EIF2D: variants seen among roughly 807,000 people sequenced by gnomAD.
EIF2D encodes eukaryotic translation initiation factor 2D.
EIF2D carries 56 observed loss-of-function variants against 77.4 expected under a neutral mutation model. The ratio of observed to expected loss-of-function variants is 0.72; its 90% CI spans 0.58 to 0.90. EIF2D has a LOEUF of 0.90. Ranked by LOEUF, EIF2D falls within the 40% of genes least tolerant of loss-of-function variation. The pLI, the probability that EIF2D is intolerant of heterozygous loss-of-function variation, is 0.00. For synonymous variants in EIF2D, 230 were observed against 271.0 expected, an observed-to-expected ratio of 0.85 and a Z score of 1.49; for missense variants, 574 against 706.5, an observed-to-expected ratio of 0.81 and a Z score of 2.13.
rs1553407207 is a variant in EIF2D at position 206,584,688 on chromosome 1, G to A, written c.139-3526C>T. 2 of 1,614,196 alleles carry A rather than the reference G, an allele frequency of 1.2e-6. No homozygotes were observed. The highest frequency in any genetic ancestry group is 1.1e-5 in the South Asian group (1 of 91,090). On this transcript the variant is annotated intron_variant and NMD_transcript_variant, in intron 2 of 5. Transcript: ENST00000472709. The surrounding 1 kb of genome is among the most constrained non-coding windows in gnomAD (Gnocchi z 4.9). The stretch of plus-strand genomic sequence containing the variant: ...CGGATACACAAGGACGGACAAGGTA[G>A]GAGAAAGAGTGAACCCAACCAGACC...
chr1:206,588,023 A>C (rs2102266118), downstream of EIF2D: 1 of 152,846 alleles, frequency 6.5e-6, no homozygotes, highest in East Asian at 1.9e-4. Context: ...CAGAGAGGGG[A>C]GCCTCCAATT....
rs1263444934 is a variant in EIF2D, at chr1:206,600,182, T to C, written c.948+81A>G. 2.9e-6 allele frequency: 4 copies of C among 1,392,824 alleles called. No individual in the cohort carries two copies. The African/African-American group carries it at 5.7e-5, about 20-fold the overall frequency. 86.3% of individuals were successfully genotyped at this position (1,392,824 alleles called of 1,614,324 possible). On this transcript the variant is annotated intron_variant, in intron 8 of 14. Coordinates refer to ENST00000271764, the MANE Select transcript of EIF2D (RefSeq NM_006893.3). ...TAGACTGAGCCTGGTAGACAAGGCT[T>C]CCCCAGCATCCATCTGGCTTATGTC...
intron 7 of EIF2D, chr1:206,601,705 T>C (rs986778803): frequency 6.6e-6 from 1 of 152,300 alleles, no homozygotes; most frequent in East Asian, 1.9e-4. Context: ...CCCATGATTA[T>C]TAGAAATTAG....
Position 206,597,252 on chromosome 1 carries a change from G to A in EIF2D, c.1293-57C>T, listed in dbSNP as rs201324890. On this transcript the variant is annotated intron_variant, in intron 11 of 14. Transcript: ENST00000271764. ...CTAGACTTGTCCCTTCTGACCTGAA[G>A]GCTAATTCAGGATTCATCTCTCGTA... 1.2e-5 allele frequency: 15 copies of A among 1,296,668 alleles called. No individual in the cohort carries two copies. The East Asian group carries it at 3.5e-4, about 30-fold the overall frequency. 80.3% of individuals were successfully genotyped at this position (1,296,668 alleles called of 1,614,324 possible).
rs1553405745 is a variant in EIF2D, at chr1:206,579,109, G to A, written c.*254+1583C>T. Among the ~76,000 whole-genome samples the A allele has an allele frequency of 6.6e-6, 1 of 152,140 alleles. No individual in the cohort carries two copies. Among genetic ancestry groups the A allele is most frequent in the Non-Finnish European group, 1.5e-5 (1 of 68,022 alleles). On this transcript the variant is annotated intron_variant and NMD_transcript_variant, in intron 4 of 5. Transcript: ENST00000472709. The surrounding 1 kb of genome is among the most constrained non-coding windows in gnomAD (Gnocchi z 4.2). ...CCAATCACCTCCAGAGCTAAAAGAAGACATTGCCCTTTTCCACCGCATAGG... is the reference window on the plus strand; with the variant it reads ...CCAATCACCTCCAGAGCTAAAAGAAAACATTGCCCTTTTCCACCGCATAGG...
chr1:206,608,337 CA>C lies in EIF2D; in HGVS notation c.332-12del, dbSNP rs782018148. On this transcript the variant is annotated splice_polypyrimidine_tract_variant and intron_variant, in intron 3 of 14. Transcript: ENST00000271764. ...CAGGCAGCATCAAATCTGCAATGAA[CA>C]AAAAAAATCACAACCTGCATTCAGC... 22 of 1,601,712 alleles carry C rather than the reference CA, an allele frequency of 1.4e-5. No homozygotes were observed. Among genetic ancestry groups the C allele is most frequent in the Admixed American group, 3.4e-5 (2 of 58,432 alleles).
intron 13 of EIF2D, 90 bp from the exon 14 acceptor site, chr1:206,593,883 C>G (rs564266195): frequency 4.1e-5 from 49 of 1,188,294 alleles, no homozygotes; most frequent in Middle Eastern, 2.9e-4. Flanking sequence ...GCCTTCTGAG[C>G]CCCTGTGTTC....
intron 2 of EIF2D, chr1:206,583,707 G>C (rs1668985823): frequency 3.2e-6 from 1 of 311,836 alleles, no homozygotes; most frequent in Non-Finnish European, 6.2e-6. Context: ...CAGGGAGCCA[G>C]GACAATGGGA....
chr1:206,593,812 C>A lies in EIF2D; in HGVS notation c.1510-19G>T. The A allele has an allele frequency of 6.3e-7, 1 of 1,581,070 alleles. No homozygotes were observed. Among genetic ancestry groups the A allele is most frequent in the South Asian group, 1.1e-5 (1 of 88,288 alleles). ...CGGTCACCTGGGGGGACAGTGGGGA[C>A]AGAGACTGACGGTGGTGACTGCATT... On this transcript the variant is annotated intron_variant, in intron 13 of 14. Transcript: ENST00000271764.
intron 13 of EIF2D, 185 bp downstream of exon 13, chr1:206,595,533 T>A: frequency 1.9e-6 from 1 of 527,678 alleles, no homozygotes; most frequent in Non-Finnish European, 3.1e-6. Flanking sequence ...GGGCAGTGAG[T>A]GAGCGGGGTC....
At position 206,579,976 on chromosome 1, in the gene EIF2D, C is replaced by T. The variant is rs566430613; in HGVS notation, c.*254+716G>A. Among the ~76,000 whole-genome samples the T allele has an allele frequency of 6.6e-5, 10 of 152,302 alleles. No individual in the cohort carries two copies. The South Asian group carries it at 1.0e-3, about 16-fold the overall frequency. On this transcript the variant is annotated intron_variant and NMD_transcript_variant, in intron 4 of 5. Transcript: ENST00000472709. The surrounding 1 kb of genome is among the most constrained non-coding windows in gnomAD (Gnocchi z 4.2). ...GCTGGCATTCCATGGCTGTGACATT[C>T]GTAGTGTTGGCTACACACGGGGCTC...
Position 206,591,863 on chromosome 1 carries a change from C to T in EIF2D, c.1685-18G>A, listed in dbSNP as rs375731392. 77 of 1,613,918 alleles carry T rather than the reference C, an allele frequency of 4.8e-5. No individual in the cohort carries two copies. Among genetic ancestry groups the T allele is most frequent in the Non-Finnish European group, 5.8e-5 (69 of 1,179,916 alleles). ...ATACTCTTCTACAATCCAAAAAGCA[C>T]ACACTCCTCAGCGGAGCATGACCTT... On this transcript the variant is annotated intron_variant, in intron 14 of 14. Coordinates refer to ENST00000271764, the MANE Select transcript of EIF2D (RefSeq NM_006893.3).
intron 14 of EIF2D, 126 bp downstream of exon 14, chr1:206,593,493 G>A (rs546660724): frequency 1.6e-5 from 8 of 511,152 alleles, no homozygotes; most frequent in Admixed American, 4.3e-5. Context: ...GAGAGCGAGA[G>A]AGAGAGAGAG....
chr1:206,591,822 G>T lies in EIF2D; in HGVS notation c.1708C>A (p.His570Asn). ...LLEEYQLPRK[H>N]IQGLEKALKP... ...AGGGCCTTTTCTAGACCTTGGATGTGTTTTCGAGGGAGCTGATACTCTTCT... is the reference window on the plus strand; with the variant it reads ...AGGGCCTTTTCTAGACCTTGGATGTTTTTTCGAGGGAGCTGATACTCTTCT... The change falls in exon 15 of 15, where the codon CAC becomes AAC. Residue 570 changes from histidine (H) to asparagine (N), a missense_variant. Physicochemically the swap from His to Asn is moderately conservative, Grantham distance 68. Transcript: ENST00000271764. 1.9e-6 allele frequency: 3 copies of T among 1,614,102 alleles called. No individual in the cohort carries two copies. The highest frequency in any genetic ancestry group is 2.5e-6 in the Non-Finnish European group (3 of 1,180,018).
chr1:206,600,177 A>G, intron 8 of EIF2D, 86 bp downstream of exon 8: 3 of 1,354,160 alleles, frequency 2.2e-6, no homozygotes, highest in Admixed American at 3.9e-5. Flanking sequence ...CTGGTAGACA[A>G]GGCTTCCCCA....
At chr1:206,569,661 C>G (rs909283785), downstream of EIF2D, among the ~76,000 whole-genome samples, 1 of 152,200 alleles carries the variant, frequency 6.6e-6, no homozygotes, top group Non-Finnish European at 1.5e-5. Flanking sequence ...TTAGTTTGCT[C>G]TAGAATGTGG....
rs1467055412 is a variant in EIF2D, at chr1:206,584,272, G to C, written c.139-3110C>G. On this transcript the variant is annotated intron_variant and NMD_transcript_variant, in intron 2 of 5. Transcript: ENST00000472709. The surrounding 1 kb of genome is among the most constrained non-coding windows in gnomAD (Gnocchi z 4.9). Reference sequence around the variant, plus strand: ...CTCCAGCTCTCCCACGTCAGCAGAGGCAGGAAAGAACTCAAGGAGACAGGT... The same window carrying C: ...CTCCAGCTCTCCCACGTCAGCAGAGCCAGGAAAGAACTCAAGGAGACAGGT... The C allele has an allele frequency of 3.0e-6, 3 of 998,678 alleles. No individual in the cohort carries two copies. Among genetic ancestry groups the C allele is most frequent in the Middle Eastern group, 6.0e-4 (2 of 3,360 alleles). The allele number at this position is 998,678 out of a possible 1,614,324, so 61.9% of individuals were successfully genotyped here.
chr1:206,609,887 G>A (rs1020266192), intron 2 of EIF2D, among the ~76,000 whole-genome samples: 4 of 152,232 alleles, frequency 2.6e-5, no homozygotes, highest in Admixed American at 6.5e-5. Flanking sequence ...CATTGTGGTT[G>A]TCTTCAGGTA....
At chr1:206,603,963 G>A (rs1553412003) in intron 5 of EIF2D, among the ~76,000 whole-genome samples, 2 of 152,148 alleles carry the variant, frequency 1.3e-5, no homozygotes, top group Non-Finnish European at 2.9e-5. Context: ...TTTTCAAGGT[G>A]CAGCGAGAGA....
Sources: gnomAD v4.1 joint callset for allele counts (sites outside exome capture counted in the v4.1 genomes callset) on GRCh38, gnomAD v4.1.1 for gene constraint, Gnocchi (gnomAD v3.1) non-coding constraint, MANE v1.5 for transcripts, NCBI Gene and HGNC (gene_info 2026-07-23, HGNC 2026-07-21) for gene names.